DLGAP2: variants seen among roughly 807,000 people sequenced by gnomAD.
DLGAP2 encodes the protein disks large-associated protein 2.
DLGAP2 carries 26 observed loss-of-function variants against 100.3 expected under a neutral mutation model. That is an observed-to-expected ratio of 0.26 (90% CI 0.19 to 0.36). DLGAP2 has a LOEUF of 0.36. Among genes scored for constraint, DLGAP2 ranks in the 10% least tolerant of loss-of-function variants. DLGAP2 has a pLI of 1.00. For synonymous variants in DLGAP2, 886 were observed against 630.1 expected (o/e 1.41, Z -6.08); for missense variants, 1,858 against 1,453.2 (o/e 1.28, Z -4.53).
chr8:1,212,065 T>G (rs1798117228), intron 2 of DLGAP2, among the ~76,000 whole-genome samples: 2 of 152,280 alleles, frequency 1.3e-5, no homozygotes, highest in South Asian at 4.1e-4. Flanking sequence ...ACACAATTAT[T>G]TTATGAACAA....
chr8:833,794 A>G (rs1796823937), intron 1 of DLGAP2, among the ~76,000 whole-genome samples: 2 of 152,174 alleles, frequency 1.3e-5, no homozygotes, highest in South Asian at 4.1e-4. Context: ...ATTTTTTACC[A>G]TGAATTTAGA....
At chr8:1,482,478 G>A (rs1230135683) in intron 3 of DLGAP2, among the ~76,000 whole-genome samples, 1 of 152,224 alleles carries the variant, frequency 6.6e-6, no homozygotes, top group Non-Finnish European at 1.5e-5. Context: ...TGTATGGAAC[G>A]TCTGCTCTGA....
rs7815068 is a variant in DLGAP2 at position 1,519,394 on chromosome 8, A to C, written c.172+17963A>C. On this transcript the variant is annotated intron_variant, in intron 4 of 14. Transcript: ENST00000637795. ...GACTGCCCGAAATTCAGTGTTTTGC[A>C]CGACAAGTTCATTAACCTGCTGCTG... is the stretch of plus-strand genomic sequence containing the variant. Among the ~76,000 whole-genome samples the C allele has an allele frequency of 2.6e-5, 4 of 151,914 alleles. No individual in the cohort carries two copies. In the South Asian group the frequency reaches 8.3e-4, roughly 32 times the overall value.
chr8:1,662,500 C>T (rs1407932209), intron 8 of DLGAP2, among the ~76,000 whole-genome samples: 1 of 152,198 alleles, frequency 6.6e-6, no homozygotes, highest in Non-Finnish European at 1.5e-5. Flanking sequence ...AACACTAGAT[C>T]AGGTCATGAG....
At chr8:1,524,058 C>T (rs1223891826) in intron 4 of DLGAP2, among the ~76,000 whole-genome samples, 3 of 152,184 alleles carry the variant, frequency 2.0e-5, no homozygotes, top group South Asian at 4.1e-4. Context: ...TCTGCAGGGA[C>T]GTCGTCCCGT....
chr8:1,144,185 G>C (rs1796568064), intron 2 of DLGAP2, among the ~76,000 whole-genome samples: 1 of 152,224 alleles, frequency 6.6e-6, no homozygotes, highest in Non-Finnish European at 1.5e-5. Context: ...CTTCCAGCGG[G>C]CGCGTTTTCA....
intron 2 of DLGAP2, among the ~76,000 whole-genome samples, chr8:1,182,986 C>A (rs1205642583): frequency 1.3e-5 from 2 of 152,152 alleles, no homozygotes; most frequent in Non-Finnish European, 2.9e-5. Flanking sequence ...TTCGAGCGAG[C>A]TGGGGCCAGT....
intron 4 of DLGAP2, among the ~76,000 whole-genome samples, chr8:1,539,826 G>A (rs923883577): frequency 2.0e-5 from 3 of 152,168 alleles, no homozygotes; most frequent in Admixed American, 6.5e-5. Context: ...GCTGTGCCAT[G>A]AGCACCACGG....
At chr8:1,534,823 G>A (rs547924719) in intron 4 of DLGAP2, among the ~76,000 whole-genome samples, 8 of 152,318 alleles carry the variant, frequency 5.3e-5, no homozygotes, top group African/African-American at 9.6e-5. Flanking sequence ...ATGTGTGTGC[G>A]TGTGCGCACG....
chr8:1,407,392 T>C, intron 3 of DLGAP2, among the ~76,000 whole-genome samples: 1 of 116,594 alleles, frequency 8.6e-6, no homozygotes, highest in African/African-American at 3.3e-5. Flanking sequence ...CGGAGTCCTG[T>C]ATTGAGTGCT....
chr8:1,600,546 T>C (rs1796592918), intron 6 of DLGAP2, among the ~76,000 whole-genome samples: 1 of 152,204 alleles, frequency 6.6e-6, no homozygotes, highest in Non-Finnish European at 1.5e-5. Flanking sequence ...CATTGTCCCA[T>C]ATTTCTTGGA....
intron 1 of DLGAP2, among the ~76,000 whole-genome samples, chr8:902,170 C>T (rs1798265629): frequency 6.6e-6 from 1 of 152,198 alleles, no homozygotes; most frequent in Admixed American, 6.5e-5. Flanking sequence ...AGGCACAGAT[C>T]CAAGCCCGGC....
chr8:1,272,295 G>T (rs936097929), intron 3 of DLGAP2, among the ~76,000 whole-genome samples: 7 of 152,146 alleles, frequency 4.6e-5, no homozygotes, highest in Non-Finnish European at 8.8e-5. Flanking sequence ...AGTGAATGTA[G>T]ACAATGCATA....
rs1024380734 is a variant in DLGAP2, at chr8:1,327,211, T to G, written c.106+68328T>G. ...ACGTTAACACTGCTGTGTATTTCTT[T>G]GCAATTTTACAGGTAAGGCTGAGCT... On this transcript the variant is annotated intron_variant, in intron 3 of 14. Coordinates refer to ENST00000637795, the MANE Select transcript of DLGAP2 (RefSeq NM_001346810.2). Among the ~76,000 whole-genome samples the G allele has an allele frequency of 3.9e-5, 6 of 152,348 alleles. No individual in the cohort carries two copies. In the East Asian group the frequency reaches 1.2e-3, roughly 29 times the overall value.
intron 2 of DLGAP2, among the ~76,000 whole-genome samples, chr8:979,455 C>T (rs910918314): frequency 7.2e-5 from 11 of 152,168 alleles, no homozygotes; most frequent in Non-Finnish European, 1.5e-4. Flanking sequence ...TGATCTTGTT[C>T]CCAGCCTCAC....
Position 1,707,060 on chromosome 8 carries a change from C to T in DLGAP2, c.*5654C>T, listed in dbSNP as rs999403055. On this transcript the variant is annotated 3_prime_UTR_variant, in exon 15 of 15. Coordinates refer to ENST00000637795, the MANE Select transcript of DLGAP2 (RefSeq NM_001346810.2). ...ATGACTTCTTTGCAGAAGAAATGTTCGTTACCTACTATCAAACTACTTTTT... is the reference window on the plus strand; with the variant it reads ...ATGACTTCTTTGCAGAAGAAATGTTTGTTACCTACTATCAAACTACTTTTT... 2.0e-5 allele frequency: 3 copies of T among 152,560 alleles called. No homozygotes were observed. The highest frequency in any genetic ancestry group is 7.2e-5 in the African/African-American group (3 of 41,412). 9.5% of individuals were successfully genotyped at this position (152,560 alleles called of 1,614,324 possible). A position where few individuals can be genotyped will look rare whatever the true frequency, so the allele number is the denominator to read the frequency against.
chr8:1,458,040 T>TTA (rs199917235), intron 3 of DLGAP2, among the ~76,000 whole-genome samples: 414 of 132,574 alleles, frequency 3.1e-3, no homozygotes, highest in East Asian at 0.024. Context: ...GTATATATAA[T>TTA]TATATATATA....
rs147059673 is a variant in DLGAP2 at position 780,067 on chromosome 8, G to A, written c.18+42242G>A. On this transcript the variant is annotated intron_variant, in intron 1 of 14. Coordinates refer to ENST00000637795, the MANE Select transcript of DLGAP2 (RefSeq NM_001346810.2). ...AAATGTTTGAATTATTATTAGCTGT[G>A]TTTGCCATGCAATGCAGTGATCACT... Among the ~76,000 whole-genome samples, 548 of 152,220 alleles carry A rather than the reference G, an allele frequency of 3.6e-3. 4 individuals carry two copies. The highest frequency in any genetic ancestry group is 0.012 in the African/African-American group (517 of 41,534).
At chr8:1,453,129 G>A (rs1798209027) in intron 3 of DLGAP2, among the ~76,000 whole-genome samples, 1 of 151,976 alleles carries the variant, frequency 6.6e-6, no homozygotes, top group Admixed American at 6.6e-5. Flanking sequence ...GAGATGCCAG[G>A]AAGGGGAACG....
Sources: gnomAD v4.1 joint callset for allele counts (sites outside exome capture counted in the v4.1 genomes callset) on GRCh38, gnomAD v4.1.1 for gene constraint, MANE v1.5 for transcripts, NCBI Gene and HGNC (gene_info 2026-07-23, HGNC 2026-07-21) for gene names.